Variants in AKT3 observed in about 807,000 individuals in gnomAD.
AKT3 encodes the protein AKT serine/threonine kinase 3, also known as RAC-gamma serine/threonine-protein kinase.
AKT3 carries 15 observed loss-of-function variants against 65.3 expected under a neutral mutation model. The observed-to-expected ratio is 0.23, with a 90% CI of 0.15 to 0.35. The LOEUF is 0.35. Among genes scored for constraint, AKT3 ranks in the 10% least tolerant of loss-of-function variants. The probability of loss-of-function intolerance (pLI) is 1.00; values close to 1 mark genes in which losing one functional copy is unlikely to be tolerated. For synonymous variants in AKT3, 206 were observed against 183.8 expected (o/e 1.12, Z -0.98); for missense variants, 243 against 576.5 (o/e 0.42, Z 5.92).
chr1:243,691,091 A>G (rs1169097965), intron 3 of AKT3, among the ~76,000 whole-genome samples: 4 of 152,198 alleles, frequency 2.6e-5, no homozygotes, highest in Non-Finnish European at 5.9e-5. Context: ...CTAATTTAGC[A>G]AGGAATAGGG....
intron 2 of AKT3, among the ~76,000 whole-genome samples, chr1:243,736,473 G>T (rs2148161557): frequency 6.6e-6 from 1 of 152,246 alleles, no homozygotes; most frequent in South Asian, 2.1e-4. Context: ...AAAGAAGGCT[G>T]AAGGAATCAT....
At chr1:243,749,937 T>A (rs142405189) in intron 2 of AKT3, among the ~76,000 whole-genome samples, 2 of 152,224 alleles carry the variant, frequency 1.3e-5, no homozygotes, top group South Asian at 4.1e-4. Flanking sequence ...GAAATAATGC[T>A]GTAATAATTG....
intron 2 of AKT3, among the ~76,000 whole-genome samples, chr1:243,797,098 G>A (rs1444251025): frequency 2.6e-5 from 4 of 151,830 alleles, no homozygotes; most frequent in Non-Finnish European, 5.9e-5. Flanking sequence ...TCGCTGAAAC[G>A]TGCACTTACA....
chr1:243,553,073 T>A, intron 10 of AKT3, 130 bp from the exon 11 acceptor site: 1 of 667,990 alleles, frequency 1.5e-6, no homozygotes, highest in Admixed American at 3.4e-5. Context: ...GATCTTGACA[T>A]TTAAACTGTG....
At chr1:243,494,694 G>A (rs1489981616) in intron 13 of AKT3, among the ~76,000 whole-genome samples, 1 of 152,214 alleles carries the variant, frequency 6.6e-6, no homozygotes, top group African/African-American at 2.4e-5. Context: ...TGGGAGAAAA[G>A]TCAATTGAAT....
At chr1:243,726,985 A>G (rs1024463292) in intron 2 of AKT3, among the ~76,000 whole-genome samples, 10 of 152,232 alleles carry the variant, frequency 6.6e-5, no homozygotes, top group Admixed American at 2.0e-4. Context: ...GCCTGAGCTG[A>G]GAAGAGATGT....
chr1:243,536,238 ATTTAT>A (rs1671920156), intron 12 of AKT3, among the ~76,000 whole-genome samples: 1 of 151,960 alleles, frequency 6.6e-6, no homozygotes. Context: ...ATTAAGCCCC[ATTTAT>A]TTATTTTTGT....
At chr1:243,753,769 G>A (rs1688955565) in intron 2 of AKT3, among the ~76,000 whole-genome samples, 2 of 152,256 alleles carry the variant, frequency 1.3e-5, no homozygotes, top group African/African-American at 2.4e-5. Context: ...TAGGGGCTTA[G>A]GTAGTAGAGT....
intron 9 of AKT3, among the ~76,000 whole-genome samples, chr1:243,565,636 T>C (rs114697136): frequency 2.8e-4 from 43 of 152,326 alleles, no homozygotes; most frequent in African/African-American, 1.0e-3. Flanking sequence ...ATAAGTCTTG[T>C]ATATTGAAAC....
intron 2 of AKT3, among the ~76,000 whole-genome samples, chr1:243,730,248 G>C (rs1246290750): frequency 6.6e-6 from 1 of 152,162 alleles, no homozygotes; most frequent in Non-Finnish European, 1.5e-5. Context: ...GCTTCAGCTG[G>C]ACTCAAGGTA....
At chr1:243,675,120 T>C (rs1343595486) in intron 3 of AKT3, among the ~76,000 whole-genome samples, 2 of 152,236 alleles carry the variant, frequency 1.3e-5, no homozygotes, top group African/African-American at 4.8e-5. Context: ...TCTACTCACG[T>C]ATCTTCAAAG....
chr1:243,763,093 T>C (rs1314042293), intron 2 of AKT3, among the ~76,000 whole-genome samples: 1 of 152,068 alleles, frequency 6.6e-6, no homozygotes, highest in Non-Finnish European at 1.5e-5. Context: ...ATTTTACTAC[T>C]GTTAACTAAT....
intron 3 of AKT3, among the ~76,000 whole-genome samples, chr1:243,691,796 A>G (rs965779149): frequency 6.6e-6 from 1 of 152,188 alleles, no homozygotes; most frequent in Non-Finnish European, 1.5e-5. Context: ...AATGCTCAGG[A>G]GAGAGGCCTA....
At chr1:243,691,486 G>A (rs1268406139) in intron 3 of AKT3, among the ~76,000 whole-genome samples, 3 of 152,174 alleles carry the variant, frequency 2.0e-5, no homozygotes, top group African/African-American at 2.4e-5. Flanking sequence ...AGAGAAGCTA[G>A]TTAAGAATCT....
At position 243,700,897 on chromosome 1, in the gene AKT3, T is replaced by C. The variant is rs115061694; in HGVS notation, c.47-5181A>G. The stretch of plus-strand genomic sequence containing the variant: ...AAAAGATCTGGATAGGATATTCAAA[T>C]AAATCATCTTTATCATGAATTATAT... On this transcript the variant is annotated intron_variant, in intron 2 of 13. Transcript: ENST00000673466. Among the ~76,000 whole-genome samples the C allele has an allele frequency of 4.8e-3, 724 of 152,326 alleles. 6 individuals carry two copies. The highest frequency in any genetic ancestry group is 0.017 in the African/African-American group (696 of 41,566).
At chr1:243,760,395 G>A (rs933940211) in intron 2 of AKT3, among the ~76,000 whole-genome samples, 1 of 147,562 alleles carries the variant, frequency 6.8e-6, no homozygotes, top group African/African-American at 2.5e-5. Flanking sequence ...CCAAAGTGCT[G>A]GGATTACCAT....
chr1:243,516,968 T>C (rs183389121), intron 12 of AKT3, among the ~76,000 whole-genome samples: 20 of 152,366 alleles, frequency 1.3e-4, no homozygotes, highest in Admixed American at 1.1e-3. Context: ...CTTTTAGTAC[T>C]ATAAATTGTA....
At chr1:243,822,832 G>A (rs973186427) in intron 2 of AKT3, among the ~76,000 whole-genome samples, 3 of 152,182 alleles carry the variant, frequency 2.0e-5, no homozygotes, top group African/African-American at 7.2e-5. Context: ...TGGATTTACA[G>A]CTGAATTCTA....
Position 243,771,882 on chromosome 1 carries a change from C to A in AKT3, c.46+71243G>T, listed in dbSNP as rs563058405. Among the ~76,000 whole-genome samples the A allele has an allele frequency of 1.2e-3, 188 of 152,216 alleles. 1 individual carries two copies. Among genetic ancestry groups the A allele is most frequent in the African/African-American group, 4.3e-3 (179 of 41,526 alleles). On this transcript the variant is annotated intron_variant, in intron 2 of 13. Transcript: ENST00000673466. ...CAGAACAGAGCCCTCAGAAATAATA[C>A]CACACATCTACAACCATCTGATCTT... is the stretch of plus-strand genomic sequence containing the variant.
Sources: allele counts gnomAD v4.1 joint callset (sites outside exome capture counted in the v4.1 genomes callset), GRCh38; gene constraint gnomAD v4.1.1; transcripts MANE v1.5; gene names NCBI Gene and HGNC (gene_info 2026-07-23, HGNC 2026-07-21).